GALNT15: variants seen among roughly 807,000 people sequenced by gnomAD.
GALNT15 encodes the protein polypeptide N-acetylgalactosaminyltransferase 15, also known as UDP-GalNAc transferase T15.
A neutral mutation model predicts 66.8 loss-of-function variants in GALNT15; 67 were observed. That is an observed-to-expected ratio of 1.00 (90% CI 0.82 to 1.23). GALNT15 has a LOEUF of 1.23. GALNT15 is among the 50% of genes most tolerant of loss of function. The pLI, the probability that GALNT15 is intolerant of heterozygous loss-of-function variation, is 0.00. For missense variants in GALNT15, 827 were observed against 804.3 expected (o/e 1.03, Z -0.34); for synonymous variants, 313 against 311.5 (o/e 1.00, Z -0.05).
intron 8 of GALNT15, 29 bp downstream of exon 8, chr3:16,220,043 G>C (rs766474549): frequency 1.6e-5 from 25 of 1,533,808 alleles, no homozygotes; most frequent in Non-Finnish European, 2.3e-5. Context: ...CAGGATGGAT[G>C]ATAGCCCAAG....
rs183072751 is a variant in GALNT15 at position 16,186,973 on chromosome 3, T to C, written c.540-8787T>C. Among the ~76,000 whole-genome samples, 4 of 152,224 alleles carry C rather than the reference T, an allele frequency of 2.6e-5. No homozygotes were observed. Among genetic ancestry groups the C allele is most frequent in the African/African-American group, 9.6e-5 (4 of 41,552 alleles). On this transcript the variant is annotated intron_variant, in intron 1 of 9. Transcript: ENST00000339732. The surrounding 1 kb of genome is among the most constrained non-coding windows in gnomAD (Gnocchi z 5.1). ...CTCAATAAAAATATTATTAAAACAT[T>C]AGTGATTTCAGGCCGGGCGTGGTGG...
chr3:16,228,651 AAAAAG>A lies in GALNT15; in HGVS notation c.*1153_*1157del, dbSNP rs1440231209. The A allele has an allele frequency of 2.8e-5, 28 of 985,450 alleles. No individual in the cohort carries two copies. The highest frequency in any genetic ancestry group is 3.3e-5 in the Non-Finnish European group (27 of 830,124). 61.0% of individuals were successfully genotyped at this position (985,450 alleles called of 1,614,324 possible). A position where few individuals can be genotyped will look rare whatever the true frequency, so the allele number is the denominator to read the frequency against. ...GTGAGACTCCATCTCAAAAAAAAAAAAAAAGAGAGAAACTCTCCTGATGCCCTGTT... is the reference window on the plus strand; with the variant it reads ...GTGAGACTCCATCTCAAAAAAAAAAAAGAGAAACTCTCCTGATGCCCTGTT... On this transcript the variant is annotated 3_prime_UTR_variant, in exon 10 of 10. Transcript: ENST00000339732.
chr3:16,213,388 G>T (rs1240127534), intron 6 of GALNT15, among the ~76,000 whole-genome samples: 5 of 127,816 alleles, frequency 3.9e-5, no homozygotes, highest in Non-Finnish European at 6.2e-5. Flanking sequence ...CTGGGAGGTG[G>T]AGTTTGAGGT....
rs2063794187 is a variant in GALNT15 at position 16,209,779 on chromosome 3, A to C, written c.1079+1109A>C. ...AGAGGTTGCAATGAGCTGAGACCACACTACTGCACTCTAGCCTGGGTGACA... is the reference window on the plus strand; with the variant it reads ...AGAGGTTGCAATGAGCTGAGACCACCCTACTGCACTCTAGCCTGGGTGACA... On this transcript the variant is annotated intron_variant, in intron 4 of 9. Coordinates refer to ENST00000339732, the MANE Select transcript of GALNT15 (RefSeq NM_054110.5). The surrounding 1 kb of genome is among the most constrained non-coding windows in gnomAD (Gnocchi z 4.1). Among the ~76,000 whole-genome samples the C allele has an allele frequency of 6.6e-6, 1 of 152,200 alleles. No homozygotes were observed. Among genetic ancestry groups the C allele is most frequent in the Admixed American group, 6.5e-5 (1 of 15,284 alleles).
At chr3:16,245,049 T>G in the GALNT15 span, among the ~76,000 whole-genome samples, 1 of 152,108 alleles carries the variant, frequency 6.6e-6, no homozygotes, top group East Asian at 1.9e-4. Flanking sequence ...CACCCTGGCT[T>G]GCTAGGACAG....
Position 16,224,054 on chromosome 3 carries a change from A to G in GALNT15, c.1773+1296A>G, listed in dbSNP as rs780479336. 2.3e-4 allele frequency among the ~76,000 whole-genome samples: 35 copies of G among 152,214 alleles called. No homozygotes were observed. The highest frequency in any genetic ancestry group is 4.4e-4 in the Non-Finnish European group (30 of 68,036). On this transcript the variant is annotated intron_variant, in intron 9 of 9. Coordinates refer to ENST00000339732, the MANE Select transcript of GALNT15 (RefSeq NM_054110.5). The surrounding 1 kb of genome is among the most constrained non-coding windows in gnomAD (Gnocchi z 5.2). ...TAAATGATCATAAAGTATTTTTCTA[A>G]GCAAGTCCTATGAATAAGATATACT... is the stretch of plus-strand genomic sequence containing the variant.
chr3:16,222,005 T>C (rs180995385), intron 8 of GALNT15, among the ~76,000 whole-genome samples: 14 of 152,332 alleles, frequency 9.2e-5, no homozygotes, highest in Admixed American at 8.5e-4. Context: ...ATGAAGTTGA[T>C]CCTGTCTGTA....
intron 4 of GALNT15, among the ~76,000 whole-genome samples, chr3:16,210,070 C>T (rs1359802839): frequency 1.3e-5 from 2 of 152,240 alleles, no homozygotes; most frequent in Non-Finnish European, 2.9e-5. Flanking sequence ...ACTGGTCCCA[C>T]AGGTGTCAGA....
chr3:16,236,960 A>G (rs1484686140), downstream of GALNT15, among the ~76,000 whole-genome samples: 2 of 152,218 alleles, frequency 1.3e-5, no homozygotes, highest in Admixed American at 1.3e-4. Flanking sequence ...AGCCAAAGTG[A>G]TTAAACTGTG....
chr3:16,213,473 T>C (rs374033814), intron 6 of GALNT15, among the ~76,000 whole-genome samples: 4 of 75,300 alleles, frequency 5.3e-5, no homozygotes, highest in East Asian at 4.4e-4. Flanking sequence ...AAAAAAAAAA[T>C]AGAGTCCAAA....
At chr3:16,231,738 C>G, downstream of GALNT15, 4 of 1,373,444 alleles carry the variant, frequency 2.9e-6, no homozygotes, top group Middle Eastern at 1.8e-4. The surrounding 1 kb of genome is among the most constrained non-coding windows in gnomAD (Gnocchi z 4.1). Context: ...ATGACAAATG[C>G]TAAAATGATA....
In GALNT15 at chr3:16,175,378, A is replaced by T. The variant is rs568553771; in HGVS notation, c.227A>T (p.Glu76Val). ...GTACTGGAAGCTGAGGATGAGGGTGAAGAGTACAGCCCTCTGGAGGGCCTG... is the reference window on the plus strand; with the variant it reads ...GTACTGGAAGCTGAGGATGAGGGTGTAGAGTACAGCCCTCTGGAGGGCCTG... ...DWVLEAEDEG[E>V]EYSPLEGLPP... Residue 76 changes from glutamate to valine, a missense_variant, in exon 1 of 10, where the codon GAA (glutamate) becomes GTA (valine). Transcript: ENST00000339732. This position sits in a 1 kb window ranked among gnomAD's most constrained non-coding sequence, Gnocchi z 5.6. 3.1e-6 allele frequency: 5 copies of T among 1,614,082 alleles called. No homozygotes were observed. The highest frequency in any genetic ancestry group is 4.2e-6 in the Non-Finnish European group (5 of 1,180,048).
Position 16,174,923 on chromosome 3 carries a change from T to C in GALNT15, c.-229T>C, listed in dbSNP as rs533092037. 13 of 523,502 alleles carry C rather than the reference T, an allele frequency of 2.5e-5. 1 individual carries two copies. In the South Asian group the frequency reaches 4.4e-4, roughly 18 times the overall value. 32.4% of individuals were successfully genotyped at this position (523,502 alleles called of 1,614,324 possible). A position where few individuals can be genotyped will look rare whatever the true frequency, so the allele number is the denominator to read the frequency against. On this transcript the variant is annotated 5_prime_UTR_variant, in exon 1 of 10. Coordinates refer to ENST00000339732, the MANE Select transcript of GALNT15 (RefSeq NM_054110.5). This position sits in a 1 kb window ranked among gnomAD's most constrained non-coding sequence, Gnocchi z 4.7. Reference sequence around the variant, plus strand: ...GGCTTTCAGAAGGCAATTAAAGAAATCCACTCAGAGAGGACTTGGGGTGAA... The same window carrying C: ...GGCTTTCAGAAGGCAATTAAAGAAACCCACTCAGAGAGGACTTGGGGTGAA...
rs374178412 is a variant in GALNT15 at position 16,183,028 on chromosome 3, A to C, written c.539+7338A>C. The C allele has an allele frequency of 6.6e-6, 1 of 152,250 alleles. No individual in the cohort carries two copies. The highest frequency in any genetic ancestry group is 2.4e-5 in the African/African-American group (1 of 41,440). 9.4% of individuals were successfully genotyped at this position (152,250 alleles called of 1,614,324 possible). A position where few individuals can be genotyped will look rare whatever the true frequency, so the allele number is the denominator to read the frequency against. On this transcript the variant is annotated intron_variant, in intron 1 of 9. Coordinates refer to ENST00000339732, the MANE Select transcript of GALNT15 (RefSeq NM_054110.5). The surrounding 1 kb of genome is among the most constrained non-coding windows in gnomAD (Gnocchi z 5.2). ...CCCTGTTAGGTGGAACTATGGCTCC[A>C]AGATGCTTCATAGGCCTCCGGTCAG... is the stretch of plus-strand genomic sequence containing the variant.
rs2124888526 is a variant in GALNT15 at position 16,212,776 on chromosome 3, C to T, written c.1392+13C>T. On this transcript the variant is annotated intron_variant, in intron 6 of 9. Transcript: ENST00000339732. ...CTCCTTGAGCAAGGTAAGGAGAGAG[C>T]CAAGTGGGGCTTCTGTGTCCAGCAC... 1 of 1,607,894 alleles carries T rather than the reference C, an allele frequency of 6.2e-7. No individual in the cohort carries two copies.
chr3:16,239,345 A>G, the GALNT15 span, among the ~76,000 whole-genome samples: 1 of 152,174 alleles, frequency 6.6e-6, no homozygotes, highest in Non-Finnish European at 1.5e-5. This position sits in a 1 kb window ranked among gnomAD's most constrained non-coding sequence, Gnocchi z 5.2. Context: ...ATGGATGGCC[A>G]GTGACAGTAC....
Position 16,219,755 on chromosome 3 carries a change from G to C in GALNT15, c.1525-155G>C, listed in dbSNP as rs77223359. On this transcript the variant is annotated intron_variant, in intron 7 of 9. Transcript: ENST00000339732. This position sits in a 1 kb window ranked among gnomAD's most constrained non-coding sequence, Gnocchi z 4.3. ...CTCCTTCAAGAGGCCTGTCCCTTAG[G>C]GTCAGTGGCTTCAGCTTTACCACAC... Among the ~76,000 whole-genome samples the C allele has an allele frequency of 3.1e-3, 477 of 152,324 alleles. 17 individuals carry two copies. The highest frequency in any genetic ancestry group is 0.027 in the Admixed American group (410 of 15,310).
rs1418294910 is a variant in GALNT15 at position 16,181,762 on chromosome 3, T to C, written c.539+6072T>C. Among the ~76,000 whole-genome samples, 1 of 151,998 alleles carries C rather than the reference T, an allele frequency of 6.6e-6. No individual in the cohort carries two copies. Among genetic ancestry groups the C allele is most frequent in the Non-Finnish European group, 1.5e-5 (1 of 68,022 alleles). On this transcript the variant is annotated intron_variant, in intron 1 of 9. Transcript: ENST00000339732. This position sits in a 1 kb window ranked among gnomAD's most constrained non-coding sequence, Gnocchi z 5.9. The stretch of plus-strand genomic sequence containing the variant: ...TTGAGACCTGGGGCTGGAACTTAGC[T>C]CAATTCCCCCCACAAGAGAGGGAAG...
At position 16,176,849 on chromosome 3, in the gene GALNT15, C is replaced by T. The variant is rs2063415614; in HGVS notation, c.539+1159C>T. ...TCCCCTCAGCCTGGCTGCTCAGCCA[C>T]TCACACTCGAGGGTGTGCAATTGCA... is the stretch of plus-strand genomic sequence containing the variant. On this transcript the variant is annotated intron_variant, in intron 1 of 9. Transcript: ENST00000339732. This position sits in a 1 kb window ranked among gnomAD's most constrained non-coding sequence, Gnocchi z 5.6. 6.6e-6 allele frequency among the ~76,000 whole-genome samples: 1 copy of T among 152,232 alleles called. No individual in the cohort carries two copies. Among genetic ancestry groups the T allele is most frequent in the South Asian group, 2.1e-4 (1 of 4,828 alleles).
Sources: gnomAD v4.1 joint callset for allele counts (sites outside exome capture counted in the v4.1 genomes callset) on GRCh38, gnomAD v4.1.1 for gene constraint, Gnocchi (gnomAD v3.1) non-coding constraint, MANE v1.5 for transcripts, NCBI Gene and HGNC (gene_info 2026-07-23, HGNC 2026-07-21) for gene names.